UBE2G2: variants seen among roughly 807,000 people sequenced by gnomAD.
UBE2G2 encodes ubiquitin-conjugating enzyme E2 G2.
A neutral mutation model predicts 23.0 loss-of-function variants in UBE2G2; 10 were observed. That is an observed-to-expected ratio of 0.43 (90% CI 0.27 to 0.74). The LOEUF (loss-of-function observed/expected upper bound fraction) is 0.74, where lower values mean the gene tolerates loss of function less well. Among genes scored for constraint, UBE2G2 ranks in the 30% least tolerant of loss-of-function variants. The pLI, the probability that UBE2G2 is intolerant of heterozygous loss-of-function variation, is 0.19. For missense variants in UBE2G2, 150 were observed against 218.3 expected (o/e 0.69, Z 1.97); for synonymous variants, 86 against 81.3 (o/e 1.06, Z -0.31).
intron 4 of UBE2G2, among the ~76,000 whole-genome samples, chr21:44,776,447 CA>C (rs1373266752): frequency 6.6e-6 from 1 of 152,144 alleles, no homozygotes; most frequent in African/African-American, 2.4e-5. Context: ...GAAATTATAA[CA>C]GTGCTACTGC....
intron 3 of UBE2G2, among the ~76,000 whole-genome samples, chr21:44,782,252 A>G (rs945064197): frequency 2.6e-5 from 4 of 152,286 alleles, no homozygotes; most frequent in Non-Finnish European, 4.4e-5. Flanking sequence ...AATCTACAAA[A>G]CTGGATTTCT....
chr21:44,791,662 T>C (rs1361804778), intron 1 of UBE2G2, among the ~76,000 whole-genome samples: 2 of 152,218 alleles, frequency 1.3e-5, no homozygotes, highest in Admixed American at 6.5e-5. Context: ...ATGGAGAACA[T>C]CTGCTAGGGC....
intron 1 of UBE2G2, among the ~76,000 whole-genome samples, chr21:44,798,253 A>G (rs782680878): frequency 6.6e-6 from 1 of 152,260 alleles, no homozygotes; most frequent in Non-Finnish European, 1.5e-5. Flanking sequence ...GCAGGTCATA[A>G]TCTTTTTGCC....
chr21:44,796,542 C>T (rs1432121405), intron 1 of UBE2G2, among the ~76,000 whole-genome samples: 1 of 151,738 alleles, frequency 6.6e-6, no homozygotes, highest in Admixed American at 6.6e-5. Context: ...AAATGATACA[C>T]AAAAAAAACC....
At position 44,769,631 on chromosome 21, in the gene UBE2G2, G is replaced by A. The variant is rs1202201251; in HGVS notation, c.*1746C>T. On this transcript the variant is annotated 3_prime_UTR_variant, in exon 6 of 6. Transcript: ENST00000345496. ...CTGACCTCATGATCCGCCCGCCTCA[G>A]TCTCCCAAAGTGCTGGGATTGCAGG... 6.6e-6 allele frequency: 1 copy of A among 152,352 alleles called. No individual in the cohort carries two copies. Among genetic ancestry groups the A allele is most frequent in the East Asian group, 1.9e-4 (1 of 5,180 alleles). The allele number at this position is 152,352 out of a possible 1,614,324, so 9.4% of individuals were successfully genotyped here. A position where few individuals can be genotyped will look rare whatever the true frequency, so the allele number is the denominator to read the frequency against.
chr21:44,796,190 A>G (rs2083087339), intron 1 of UBE2G2, among the ~76,000 whole-genome samples: 1 of 152,242 alleles, frequency 6.6e-6, no homozygotes, highest in Non-Finnish European at 1.5e-5. Flanking sequence ...CATCAAGACA[A>G]GACAGCAGTT....
chr21:44,773,724 T>C (rs2146383057), intron 4 of UBE2G2, 37 bp from the exon 5 acceptor site: 1 of 1,603,794 alleles, frequency 6.2e-7, no homozygotes, highest in Non-Finnish European at 8.5e-7. Flanking sequence ...AGCCCAGGAA[T>C]GGTGCCCGAG....
At position 44,794,558 on chromosome 21, in the gene UBE2G2, G is replaced by A. The variant is rs113566623; in HGVS notation, c.44-6463C>T. ...TTTTGTTTTTTTTTTTTTTTGAGAC[G>A]GAGTCTCGCTCTGTCACCCAGGCTG... On this transcript the variant is annotated intron_variant, in intron 1 of 5. Transcript: ENST00000345496. 2.1e-3 allele frequency among the ~76,000 whole-genome samples: 305 copies of A among 145,038 alleles called. 1 individual carries two copies. The highest frequency in any genetic ancestry group is 7.2e-3 in the African/African-American group (284 of 39,252).
intron 4 of UBE2G2, chr21:44,774,752 C>T (rs2082900678): frequency 2.2e-6 from 1 of 455,682 alleles, no homozygotes; most frequent in African/African-American, 2.0e-5. Flanking sequence ...CTAAGATCCA[C>T]ATCCACAAAA....
chr21:44,780,053 G>C (rs1555961121), intron 3 of UBE2G2, among the ~76,000 whole-genome samples: 1 of 152,184 alleles, frequency 6.6e-6, no homozygotes, highest in African/African-American at 2.4e-5. Context: ...TTTGATAACA[G>C]TTCTTTGTTT....
At chr21:44,791,259 A>G (rs2083041639) in intron 1 of UBE2G2, among the ~76,000 whole-genome samples, 1 of 152,208 alleles carries the variant, frequency 6.6e-6, no homozygotes, top group Non-Finnish European at 1.5e-5. Flanking sequence ...CAAGGAGCCA[A>G]ATATTAATCG....
In UBE2G2 at chr21:44,773,617, G is replaced by A. The variant is rs782073158; in HGVS notation, c.315C>T (p.Ser105=). The part of the protein sequence containing the change: ...APGDDPMGYE[S]SAERWSPVQS... ...GCACAGGACTCCACCGCTCCGCGCTGCTCTCGTAGCCCATGGGGTCATCGC... is the reference window on the plus strand; with the variant it reads ...GCACAGGACTCCACCGCTCCGCGCTACTCTCGTAGCCCATGGGGTCATCGC... Residue 105 remains serine (S), a synonymous_variant, in exon 5 of 6, where the codon AGC becomes AGT. Coordinates refer to ENST00000345496, the MANE Select transcript of UBE2G2 (RefSeq NM_003343.6). The A allele has an allele frequency of 6.2e-7, 1 of 1,612,384 alleles. No homozygotes were observed.
intron 3 of UBE2G2, among the ~76,000 whole-genome samples, chr21:44,786,123 C>T (rs1441518563): frequency 1.3e-5 from 2 of 152,208 alleles, no homozygotes; most frequent in East Asian, 3.9e-4. Flanking sequence ...AACCTCTACA[C>T]ACAGACAGGC....
At chr21:44,782,141 T>TCC (rs1368736778) in intron 3 of UBE2G2, among the ~76,000 whole-genome samples, 1 of 152,250 alleles carries the variant, frequency 6.6e-6, no homozygotes, top group South Asian at 2.1e-4. Flanking sequence ...AGCAAATACC[T>TCC]CCCTCACTCC....
rs781884657 is a variant in UBE2G2 at position 44,771,509 on chromosome 21, C to T, written c.386-20G>A. ...TGGGCTCTGAAAGAAAAGGGAACACCCTCCATGTAAAAGGGAGTCTTATAC... is the reference window on the plus strand; with the variant it reads ...TGGGCTCTGAAAGAAAAGGGAACACTCTCCATGTAAAAGGGAGTCTTATAC... On this transcript the variant is annotated intron_variant, in intron 5 of 5. Transcript: ENST00000345496. The surrounding 1 kb of genome is among the most constrained non-coding windows in gnomAD (Gnocchi z 4.6). 5.6e-6 allele frequency: 9 copies of T among 1,606,812 alleles called. No individual in the cohort carries two copies. In the South Asian group the frequency reaches 9.9e-5, roughly 18 times the overall value.
chr21:44,800,216 G>A (rs1257682579), intron 1 of UBE2G2: 1 of 152,188 alleles, frequency 6.6e-6, no homozygotes, highest in Non-Finnish European at 1.5e-5. Context: ...TGCAAGATCT[G>A]CGAAGTGAAG....
chr21:44,789,712 A>T (rs1370745336), intron 1 of UBE2G2, among the ~76,000 whole-genome samples: 1 of 152,188 alleles, frequency 6.6e-6, no homozygotes, highest in Admixed American at 6.5e-5. Flanking sequence ...AGTTGAAAAG[A>T]GCCACTGTCA....
At chr21:44,780,355 T>C (rs4818976) in intron 3 of UBE2G2, among the ~76,000 whole-genome samples, 17,194 of 152,268 alleles carry the variant, frequency 0.11, 1,970 homozygotes, top group East Asian at 0.57. Context: ...GCCACAGTGC[T>C]GTTTTTGGAC....
chr21:44,791,647 C>T (rs2083045993), intron 1 of UBE2G2, among the ~76,000 whole-genome samples: 1 of 152,202 alleles, frequency 6.6e-6, no homozygotes. Flanking sequence ...AGGGGCAGGG[C>T]CCTCATGGAG....
Sources: allele counts gnomAD v4.1 joint callset (sites outside exome capture counted in the v4.1 genomes callset), GRCh38; gene constraint gnomAD v4.1.1; non-coding constraint Gnocchi (gnomAD v3.1); transcripts MANE v1.5; gene names NCBI Gene and HGNC (gene_info 2026-07-23, HGNC 2026-07-21).